WNK2: variants seen among roughly 807,000 people sequenced by gnomAD.
WNK2 encodes the protein serine/threonine-protein kinase WNK2.
Under a neutral mutation model 192.1 loss-of-function variants are expected in WNK2, and 67 were observed. The ratio of observed to expected loss-of-function variants is 0.35; its 90% CI spans 0.29 to 0.43. WNK2 has a LOEUF of 0.43. Among genes scored for constraint, WNK2 ranks in the 20% least tolerant of loss-of-function variants. The pLI, the probability that WNK2 is intolerant of heterozygous loss-of-function variation, is 1.00. For missense variants in WNK2, 2,698 were observed against 3,089.7 expected (o/e 0.87, Z 3.01); for synonymous variants, 1,439 against 1,393.9 (o/e 1.03, Z -0.72).
intron 2 of WNK2, among the ~76,000 whole-genome samples, chr9:93,202,382 G>C (rs1292181610): frequency 1.4e-5 from 2 of 142,426 alleles, no homozygotes; most frequent in Non-Finnish European, 3.1e-5. Flanking sequence ...CTCGTCTTTG[G>C]CTCGTTTGCC....
At position 93,259,331 on chromosome 9, in the gene WNK2, C is replaced by G; in HGVS notation, c.2783C>G (p.Pro928Arg). 1 of 1,613,594 alleles carries G rather than the reference C, an allele frequency of 6.2e-7. No individual in the cohort carries two copies. The highest frequency in any genetic ancestry group is 8.5e-7 in the Non-Finnish European group (1 of 1,179,752). ...GCGCCTACTGACGTCCCTCCTTCCC[C>G]CCATCACACGGTGCAGAATATGAGG... ...QMAPTDVPPSPHHTVQNMRAT... is the reference protein window; with the variant it reads ...QMAPTDVPPSRHHTVQNMRAT... Residue 928 changes from proline to arginine, a missense_variant, in exon 12 of 30, where the codon CCC (proline) becomes CGC (arginine). Transcript: ENST00000427277. The surrounding 1 kb of genome is among the most constrained non-coding windows in gnomAD (Gnocchi z 4.8).
At chr9:93,299,730 C>T (rs1027582253) in intron 25 of WNK2, among the ~76,000 whole-genome samples, 5 of 152,214 alleles carry the variant, frequency 3.3e-5, no homozygotes, top group African/African-American at 4.8e-5. Flanking sequence ...CTCTCGTCAA[C>T]GCTGCGTGGA....
intron 4 of WNK2, 86 bp downstream of exon 4, chr9:93,231,194 G>A: frequency 1.5e-6 from 2 of 1,358,568 alleles, no homozygotes; most frequent in Non-Finnish European, 2.1e-6. Context: ...GTTTTGTTCA[G>A]ACCTGGTGCA....
rs545956188 is a variant in WNK2 at position 93,221,551 on chromosome 9, G to T, written c.682-8145G>T. On this transcript the variant is annotated intron_variant, in intron 2 of 29. Coordinates refer to ENST00000427277, the MANE Select transcript of WNK2 (RefSeq NM_006648.4). Reference sequence around the variant, plus strand: ...TTACAGTCACCCATGGACACCCCAAGTAATTGGCACAAGAGCTCCATCTGG... The same window carrying T: ...TTACAGTCACCCATGGACACCCCAATTAATTGGCACAAGAGCTCCATCTGG... 7.5e-4 allele frequency among the ~76,000 whole-genome samples: 114 copies of T among 152,350 alleles called. 1 individual carries two copies. The highest frequency in any genetic ancestry group is 1.0e-3 in the Non-Finnish European group (69 of 68,038).
At position 93,184,917 on chromosome 9, in the gene WNK2, T is replaced by C; in HGVS notation, c.-2-11T>C. ...GGCGCTCACGCGGGCCTGTGTGTCC[T>C]TGGCCCACAGAGATGGACGGCGATG... On this transcript the variant is annotated splice_polypyrimidine_tract_variant and intron_variant, in intron 1 of 29. Coordinates refer to ENST00000427277, the MANE Select transcript of WNK2 (RefSeq NM_006648.4). 1 of 1,217,982 alleles carries C rather than the reference T, an allele frequency of 8.2e-7. No individual in the cohort carries two copies. The highest frequency in any genetic ancestry group is 1.0e-6 in the Non-Finnish European group (1 of 980,320). The allele number at this position is 1,217,982 out of a possible 1,614,324, so 75.4% of individuals were successfully genotyped here.
chr9:93,224,451 G>A (rs1032530551), intron 2 of WNK2, among the ~76,000 whole-genome samples: 2 of 152,162 alleles, frequency 1.3e-5, no homozygotes, highest in Non-Finnish European at 1.5e-5. Context: ...AACCCCTGAT[G>A]TGTTTCCCAG....
intron 27 of WNK2, 47 bp from the exon 28 acceptor site, chr9:93,308,281 G>T: frequency 6.5e-7 from 1 of 1,527,144 alleles, no homozygotes; most frequent in South Asian, 1.2e-5. Flanking sequence ...TGGGGGCCTG[G>T]GTGCGTGTGT....
In WNK2 at chr9:93,252,875, C is replaced by G; in HGVS notation, c.1835-8C>G. On this transcript the variant is annotated splice_region_variant and splice_polypyrimidine_tract_variant and intron_variant, in intron 8 of 29. Transcript: ENST00000427277. ...GTCCACTCTAAGTCCTGCTTTTGTCCTCCCCAGCGGACAGCACCTTCGACA... is the reference window on the plus strand; with the variant it reads ...GTCCACTCTAAGTCCTGCTTTTGTCGTCCCCAGCGGACAGCACCTTCGACA... 7.0e-7 allele frequency: 1 copy of G among 1,432,760 alleles called. No individual in the cohort carries two copies. Among genetic ancestry groups the G allele is most frequent in the Non-Finnish European group, 9.2e-7 (1 of 1,084,108 alleles). The allele number at this position is 1,432,760 out of a possible 1,614,324, so 88.8% of individuals were successfully genotyped here.
chr9:93,282,527 GAAAAAGAGCACACT>G (rs1377363561), intron 19 of WNK2, among the ~76,000 whole-genome samples: 1 of 151,186 alleles, frequency 6.6e-6, no homozygotes, highest in Non-Finnish European at 1.5e-5. Context: ...AACAAAAATG[GAAAAAGAGCACACT>G]AATACTCACC....
At chr9:93,277,118 T>C (rs937737126) in intron 19 of WNK2, among the ~76,000 whole-genome samples, 2 of 151,858 alleles carry the variant, frequency 1.3e-5, no homozygotes, top group African/African-American at 2.4e-5. Flanking sequence ...ATTAAGTACA[T>C]GAAGAGTTGT....
At chr9:93,197,484 T>G (rs1831479455) in intron 2 of WNK2, among the ~76,000 whole-genome samples, 1 of 152,186 alleles carries the variant, frequency 6.6e-6, no homozygotes, top group African/African-American at 2.4e-5. Flanking sequence ...TTCTGAAGGT[T>G]TAGGGCCAGT....
chr9:93,241,853 C>A (rs1020698280), intron 7 of WNK2, among the ~76,000 whole-genome samples: 6 of 150,822 alleles, frequency 4.0e-5, no homozygotes, highest in African/African-American at 1.5e-4. Context: ...AGTCTCTCAG[C>A]TGGACTTCCT....
chr9:93,203,183 C>T lies in WNK2; in HGVS notation c.681+17573C>T, dbSNP rs571674556. Among the ~76,000 whole-genome samples the T allele has an allele frequency of 4.6e-5, 7 of 152,216 alleles. No homozygotes were observed. The East Asian group carries it at 1.4e-3, about 30-fold the overall frequency. On this transcript the variant is annotated intron_variant, in intron 2 of 29. Transcript: ENST00000427277. The stretch of plus-strand genomic sequence containing the variant: ...GCAAGTATGACCCCAGTAGGGGAAC[C>T]CCAAGTACCCTTTGCTGAACTCAGC...
chr9:93,226,175 A>G (rs990809484), intron 2 of WNK2, among the ~76,000 whole-genome samples: 2 of 152,206 alleles, frequency 1.3e-5, no homozygotes, highest in Non-Finnish European at 2.9e-5. Flanking sequence ...GTTCCTTTGC[A>G]GATAAGACTT....
At chr9:93,198,000 T>C (rs1831590852) in intron 2 of WNK2, among the ~76,000 whole-genome samples, 1 of 152,140 alleles carries the variant, frequency 6.6e-6, no homozygotes, top group African/African-American at 2.4e-5. Context: ...TAGAGGCATA[T>C]TGGCTTCCTG....
chr9:93,258,851 G>C (rs998876607), intron 11 of WNK2, 80 bp from the exon 12 acceptor site: 1 of 1,291,914 alleles, frequency 7.7e-7, no homozygotes, highest in Non-Finnish European at 1.1e-6. Flanking sequence ...CCCAATGACT[G>C]TGGCTGTCCT....
intron 29 of WNK2, chr9:93,318,193 A>C: frequency 6.7e-7 from 1 of 1,488,358 alleles, no homozygotes; most frequent in Non-Finnish European, 8.9e-7. Flanking sequence ...TTCATTTGCA[A>C]TTGGCTTGTG....
intron 2 of WNK2, among the ~76,000 whole-genome samples, chr9:93,201,003 C>G (rs916867762): frequency 1.8e-4 from 27 of 152,190 alleles, no homozygotes; most frequent in Admixed American, 6.5e-5. Flanking sequence ...AAAATGCTAA[C>G]AGCAAGGGGC....
intron 26 of WNK2, among the ~76,000 whole-genome samples, chr9:93,305,305 C>T (rs981314172): frequency 2.0e-4 from 30 of 152,320 alleles, no homozygotes; most frequent in African/African-American, 6.5e-4. Flanking sequence ...CTAGCCTAGC[C>T]TGCATCACAG....
Sources: gnomAD v4.1 joint callset for allele counts (sites outside exome capture counted in the v4.1 genomes callset) on GRCh38, gnomAD v4.1.1 for gene constraint, Gnocchi (gnomAD v3.1) non-coding constraint, MANE v1.5 for transcripts, NCBI Gene and HGNC (gene_info 2026-07-23, HGNC 2026-07-21) for gene names.